SMG1: variants seen among roughly 807,000 people sequenced by gnomAD.
SMG1 encodes the protein serine/threonine-protein kinase SMG1.
A neutral mutation model predicts 419.9 loss-of-function variants in SMG1; 22 were observed. The ratio of observed to expected loss-of-function variants is 0.05; its 90% CI spans 0.04 to 0.07. The LOEUF (loss-of-function observed/expected upper bound fraction) is 0.07, where lower values mean the gene tolerates loss of function less well. Ranked by LOEUF, SMG1 falls within the 10% of genes least tolerant of loss-of-function variation. The pLI is 1.00. For synonymous variants in SMG1, 1,538 were observed against 1,553.5 expected (o/e 0.99, Z 0.23); for missense variants, 3,185 against 4,342.0 (o/e 0.73, Z 7.49).
At chr16:18,817,524 G>GAGGT in intron 56 of SMG1, 54 bp from the exon 57 acceptor site, 1 of 1,388,136 alleles carries the variant, frequency 7.2e-7, no homozygotes, top group Non-Finnish European at 9.7e-7. Flanking sequence ...GTGGGAAAGG[G>GAGGT]AGGTGGCAAT....
chr16:18,847,195 G>A (rs2034317076), intron 38 of SMG1, among the ~76,000 whole-genome samples: 1 of 152,060 alleles, frequency 6.6e-6, no homozygotes, highest in South Asian at 2.1e-4. Context: ...AATAGAGATG[G>A]CAAGTAGAAT....
intron 46 of SMG1, among the ~76,000 whole-genome samples, chr16:18,836,786 A>G (rs1240573303): frequency 6.6e-6 from 1 of 152,190 alleles, no homozygotes; most frequent in Admixed American, 6.5e-5. Context: ...CTGATGCTTG[A>G]CAGATCTTTG....
chr16:18,818,964 C>A (rs1171825333), intron 56 of SMG1, among the ~76,000 whole-genome samples: 1 of 151,986 alleles, frequency 6.6e-6, no homozygotes, highest in Non-Finnish European at 1.5e-5. Flanking sequence ...CTACAGGTAC[C>A]CACCACCACA....
intron 13 of SMG1, chr16:18,875,872 C>CA (rs1596572748): frequency 5.6e-6 from 3 of 533,706 alleles, no homozygotes; most frequent in Non-Finnish European, 9.8e-6. Flanking sequence ...ATTCATAAGA[C>CA]ATTTTCTAGA....
At chr16:18,871,123 A>T (rs1273750413) in intron 16 of SMG1, among the ~76,000 whole-genome samples, 1 of 152,232 alleles carries the variant, frequency 6.6e-6, no homozygotes, top group Non-Finnish European at 1.5e-5. Context: ...TCTGAGAGAA[A>T]ATGTAAAAGT....
chr16:18,876,274 T>A lies in SMG1; in HGVS notation c.1740A>T (p.Leu580=). The change falls in exon 13 of 63, where the codon CTA becomes CTT. Residue 580 remains leucine (L), a synonymous_variant. Coordinates refer to ENST00000446231, the MANE Select transcript of SMG1 (RefSeq NM_015092.5). ...AGGCCTCAGGAAGTTGTAGACTGTG[T>A]AGGAGGTTGTTTAGGGCACAAGTCA... The part of the protein sequence containing the change: ...GEMTCALNNL[L]HSLQLPEACS... The A allele has an allele frequency of 6.2e-7, 1 of 1,611,738 alleles. No individual in the cohort carries two copies.
chr16:18,919,387 G>A (rs2038097212), intron 1 of SMG1, among the ~76,000 whole-genome samples: 2 of 151,014 alleles, frequency 1.3e-5, no homozygotes, highest in South Asian at 4.2e-4. Flanking sequence ...CACTTTGGGA[G>A]GCTGAGGCGG....
intron 1 of SMG1, among the ~76,000 whole-genome samples, chr16:18,923,939 G>C (rs1439604335): frequency 2.0e-5 from 3 of 152,032 alleles, no homozygotes; most frequent in Admixed American, 6.6e-5. Context: ...AATCAGCTAT[G>C]ACAATCTTAG....
At chr16:18,811,679 G>A in intron 62 of SMG1, 82 bp downstream of exon 62, 1 of 1,188,092 alleles carries the variant, frequency 8.4e-7, no homozygotes, top group South Asian at 1.3e-5. Flanking sequence ...AACTATTAAG[G>A]AAATCGATGA....
Position 18,836,070 on chromosome 16 carries a change from T to C in SMG1, c.7920A>G (p.Gln2640=). The C allele has an allele frequency of 6.2e-7, 1 of 1,606,706 alleles. No homozygotes were observed. Among genetic ancestry groups the C allele is most frequent in the South Asian group, 1.1e-5 (1 of 89,528 alleles). The change falls in exon 48 of 63, where the codon CAA becomes CAG. Residue 2640 remains glutamine (Q), a synonymous_variant. Coordinates refer to ENST00000446231, the MANE Select transcript of SMG1 (RefSeq NM_015092.5). ...RRSVLRGCLE[Q]LHHYATVALQ... ...GGGCCACGGTTGCATAGTGATGCAGTTGCTCCAGACAGCCACGGAGCACGG... is the reference window on the plus strand; with the variant it reads ...GGGCCACGGTTGCATAGTGATGCAGCTGCTCCAGACAGCCACGGAGCACGG...
At chr16:18,916,877 C>T (rs57551596) in intron 1 of SMG1, among the ~76,000 whole-genome samples, 16 of 151,758 alleles carry the variant, frequency 1.1e-4, no homozygotes, top group Non-Finnish European at 1.6e-4. Context: ...TTGTTTTAGG[C>T]GATTAGGATA....
intron 55 of SMG1, among the ~76,000 whole-genome samples, chr16:18,820,172 G>T (rs1161585501): frequency 6.6e-6 from 1 of 151,888 alleles, no homozygotes; most frequent in Non-Finnish European, 1.5e-5. Context: ...TACCATCTTG[G>T]CCAGGCTGGT....
intron 22 of SMG1, 81 bp downstream of exon 22, chr16:18,868,109 T>G: frequency 9.3e-7 from 1 of 1,078,390 alleles, no homozygotes; most frequent in Admixed American, 2.1e-5. Context: ...ATTTTATCCA[T>G]AGATTAAATC....
chr16:18,845,778 AT>A, intron 38 of SMG1, 127 bp from the exon 39 acceptor site: 3 of 724,592 alleles, frequency 4.1e-6, no homozygotes, highest in Non-Finnish European at 6.7e-6. Context: ...AAATAAAGCA[AT>A]AACATATTCA....
chr16:18,867,987 C>G (rs1438945017), intron 22 of SMG1, among the ~76,000 whole-genome samples: 4 of 152,106 alleles, frequency 2.6e-5, no homozygotes, highest in African/African-American at 9.7e-5. Flanking sequence ...GGATTACAGG[C>G]GTGAGCCACC....
intron 35 of SMG1, 119 bp from the exon 36 acceptor site, chr16:18,849,497 G>C: frequency 3.1e-6 from 3 of 959,346 alleles, no homozygotes; most frequent in Non-Finnish European, 1.5e-6. Flanking sequence ...CGGATTTTAA[G>C]AGTTCAAATT....
In SMG1 at chr16:18,892,658, G is replaced by A. The variant is rs11648382; in HGVS notation, c.413-304C>T. Among the ~76,000 whole-genome samples, 202 of 152,174 alleles carry A rather than the reference G, an allele frequency of 1.3e-3. 1 individual carries two copies. Among genetic ancestry groups the A allele is most frequent in the Non-Finnish European group, 2.3e-3 (159 of 67,990 alleles). ...TGAGGCAGGAGAATCACTGGAGCCC[G>A]TGAGGCGGAGGTTGCAGTGAGCCAA... On this transcript the variant is annotated intron_variant, in intron 3 of 62. Coordinates refer to ENST00000446231, the MANE Select transcript of SMG1 (RefSeq NM_015092.5).
intron 1 of SMG1, among the ~76,000 whole-genome samples, chr16:18,899,234 C>A (rs1251853231): frequency 6.6e-6 from 1 of 152,090 alleles, no homozygotes. Flanking sequence ...GTGTTTCCAA[C>A]TACGAAGCAT....
intron 1 of SMG1, among the ~76,000 whole-genome samples, chr16:18,924,419 G>T (rs2038311980): frequency 6.6e-6 from 1 of 152,074 alleles, no homozygotes; most frequent in Non-Finnish European, 1.5e-5. Context: ...CTTCTAAAAG[G>T]TTACTAAATT....
Sources: allele counts gnomAD v4.1 joint callset (sites outside exome capture counted in the v4.1 genomes callset), GRCh38; gene constraint gnomAD v4.1.1; transcripts MANE v1.5; gene names NCBI Gene and HGNC (gene_info 2026-07-23, HGNC 2026-07-21).